Variants in MYO1B observed in about 807,000 individuals in gnomAD.
MYO1B encodes the protein unconventional myosin-Ib.
Under a neutral mutation model 159.7 loss-of-function variants are expected in MYO1B, and 72 were observed. The ratio of observed to expected loss-of-function variants is 0.45; its 90% CI spans 0.37 to 0.55. MYO1B has a LOEUF of 0.55. Among genes scored for constraint, MYO1B ranks in the 20% least tolerant of loss-of-function variants. The probability of loss-of-function intolerance (pLI) is 0.00; values close to 1 mark genes in which losing one functional copy is unlikely to be tolerated. For synonymous variants in MYO1B, 468 were observed against 473.8 expected (o/e 0.99, Z 0.16); for missense variants, 1,062 against 1,364.8 (o/e 0.78, Z 3.50).
chr2:191,316,205 TG>T lies in MYO1B; in HGVS notation c.252-13729del, dbSNP rs142319236. On this transcript the variant is annotated intron_variant, in intron 3 of 30. Transcript: ENST00000392318. ...AGGGCTTAGAGTACACAATTTCCAC[TG>T]CCAATAAAAGATCCTTAATTTTAAA... Among the ~76,000 whole-genome samples, 762 of 152,346 alleles carry T rather than the reference TG, an allele frequency of 5.0e-3. 9 individuals carry two copies. Among genetic ancestry groups the T allele is most frequent in the African/African-American group, 0.017 (719 of 41,576 alleles).
intron 17 of MYO1B, chr2:191,387,746 G>T: frequency 2.5e-6 from 1 of 393,288 alleles, no homozygotes; most frequent in Non-Finnish European, 4.6e-6. Flanking sequence ...TTTTTTTAAT[G>T]GCAAGTTAAA....
At chr2:191,284,327 C>T (rs1371119347) in intron 2 of MYO1B, among the ~76,000 whole-genome samples, 1 of 152,096 alleles carries the variant, frequency 6.6e-6, no homozygotes, top group East Asian at 1.9e-4. Context: ...TTTTGTTGTT[C>T]AAATTCTGCT....
At position 191,396,612 on chromosome 2, in the gene MYO1B, G is replaced by A. The variant is rs1037236157; in HGVS notation, c.2295+115G>A. The A allele has an allele frequency of 1.8e-5, 17 of 965,446 alleles. No homozygotes were observed. The African/African-American group carries it at 2.6e-4, about 15-fold the overall frequency. The allele number at this position is 965,446 out of a possible 1,614,324, so 59.8% of individuals were successfully genotyped here. ...GGCTCCTCTGTCTCCTGCCTCGCCTGTAAACAGTCAGATGGAAAGAATAAA... is the reference window on the plus strand; with the variant it reads ...GGCTCCTCTGTCTCCTGCCTCGCCTATAAACAGTCAGATGGAAAGAATAAA... On this transcript the variant is annotated intron_variant, in intron 21 of 30. Coordinates refer to ENST00000392318, the MANE Select transcript of MYO1B (RefSeq NM_001130158.3).
Position 191,336,318 on chromosome 2 carries a change from GACAGAGATGCCACTGACTT to G in MYO1B, c.347-5140_347-5122del, listed in dbSNP as rs565498022. Among the ~76,000 whole-genome samples the G allele has an allele frequency of 1.9e-3, 295 of 152,296 alleles. 1 individual carries two copies. Among genetic ancestry groups the G allele is most frequent in the African/African-American group, 6.4e-3 (268 of 41,556 alleles). On this transcript the variant is annotated intron_variant, in intron 4 of 30. Transcript: ENST00000392318. ...TGCAGTGGTTCTCCAACTGGACAGT[GACAGAGATGCCACTGACTT>G]ACTGTAGCCTAAACATTGGCGAGCA...
In MYO1B at chr2:191,330,375, G is replaced by T. The variant is rs115984869; in HGVS notation, c.346+346G>T. 7.5e-3 allele frequency among the ~76,000 whole-genome samples: 1,137 copies of T among 152,228 alleles called. 15 individuals are homozygous for T. The highest frequency in any genetic ancestry group is 0.026 in the African/African-American group (1,086 of 41,522). ...TCCCCAAGAATGCCAATTTATTTAG[G>T]TTTTAAGAGGGTACAAACACACTCT... is the stretch of plus-strand genomic sequence containing the variant. On this transcript the variant is annotated intron_variant, in intron 4 of 30. Transcript: ENST00000392318.
intron 13 of MYO1B, among the ~76,000 whole-genome samples, chr2:191,371,708 C>T (rs146931568): frequency 1.3e-5 from 2 of 152,256 alleles, no homozygotes; most frequent in Non-Finnish European, 2.9e-5. Context: ...TCCCCAGTAT[C>T]TGGAAGTAAG....
In MYO1B at chr2:191,411,103, A is replaced by C; in HGVS notation, c.2804A>C (p.Lys935Thr). The change falls in exon 27 of 31, where the codon AAA becomes ACA. Residue 935 changes from lysine to threonine, a missense_variant. Transcript: ENST00000392318. ...AGGGACCAATTCACAGACCAGCAGA[A>C]ACTTATTTATGAAGAGAAACTAGAA... ...KYRDQFTDQQ[K>T]LIYEEKLEAS... 1 of 1,612,368 alleles carries C rather than the reference A, an allele frequency of 6.2e-7. No individual in the cohort carries two copies. The highest frequency in any genetic ancestry group is 8.5e-7 in the Non-Finnish European group (1 of 1,179,390).
chr2:191,337,235 C>T (rs186234412), intron 4 of MYO1B, among the ~76,000 whole-genome samples: 15 of 152,234 alleles, frequency 9.9e-5, no homozygotes, highest in Admixed American at 2.0e-4. Context: ...ATTCACCTTC[C>T]GCTACTTCAC....
At chr2:191,316,264 T>C (rs1690342821) in intron 3 of MYO1B, among the ~76,000 whole-genome samples, 1 of 152,226 alleles carries the variant, frequency 6.6e-6, no homozygotes, top group Non-Finnish European at 1.5e-5. Context: ...CTTCATTTTA[T>C]GAAAATTTAG....
intron 20 of MYO1B, among the ~76,000 whole-genome samples, chr2:191,393,477 T>G (rs1695886883): frequency 6.6e-6 from 1 of 152,220 alleles, no homozygotes; most frequent in African/African-American, 2.4e-5. Flanking sequence ...GAGCTCAAGT[T>G]CAGTGTGCCA....
At chr2:191,407,708 G>C (rs935592825) in intron 24 of MYO1B, 1 of 152,892 alleles carries the variant, frequency 6.5e-6, no homozygotes, top group Non-Finnish European at 1.5e-5. Context: ...TTCTATGCAA[G>C]GCTTTTGGAA....
intron 3 of MYO1B, among the ~76,000 whole-genome samples, chr2:191,305,118 A>T (rs1201569224): frequency 6.6e-6 from 1 of 152,192 alleles, no homozygotes; most frequent in African/African-American, 2.4e-5. Flanking sequence ...TCCCTGACAG[A>T]GAGAGCCACA....
rs1339294162 is a variant in MYO1B at position 191,276,921 on chromosome 2, C to T, written c.26C>T (p.Ser9Leu). 3.7e-6 allele frequency: 6 copies of T among 1,610,954 alleles called. No homozygotes were observed. The Admixed American group carries it at 1.0e-4, about 27-fold the overall frequency. Residue 9 changes from serine to leucine, a missense_variant, in exon 2 of 31, where the codon TCA becomes TTA. By Grantham distance (145) the Ser-to-Leu change is moderately radical (BLOSUM62 -2). Transcript: ENST00000392318. ...ATGGCCAAAATGGAGGTGAAAACCT[C>T]ACTTCTGGACAATATGATTGGAGTT... MAKMEVKT[S>L]LLDNMIGVGD...
intron 4 of MYO1B, among the ~76,000 whole-genome samples, chr2:191,334,132 G>A (rs1458327809): frequency 6.8e-6 from 1 of 147,288 alleles, no homozygotes; most frequent in Admixed American, 6.7e-5. Flanking sequence ...TTTTTTTTTA[G>A]GATATTCTAA....
intron 18 of MYO1B, among the ~76,000 whole-genome samples, chr2:191,390,863 T>C (rs1695703996): frequency 6.6e-6 from 1 of 152,258 alleles, no homozygotes; most frequent in Non-Finnish European, 1.5e-5. Flanking sequence ...AATCAGTGGA[T>C]GGGTGAAGGT....
At chr2:191,294,000 G>C (rs1443324004) in intron 2 of MYO1B, among the ~76,000 whole-genome samples, 3 of 152,110 alleles carry the variant, frequency 2.0e-5, no homozygotes, top group Non-Finnish European at 4.4e-5. Context: ...CCTCCAATTA[G>C]TGATGAACAT....
intron 9 of MYO1B, 138 bp from the exon 10 acceptor site, chr2:191,363,590 A>G: frequency 8.5e-7 from 1 of 1,179,150 alleles, no homozygotes; most frequent in Non-Finnish European, 1.1e-6. Flanking sequence ...CTCGAATCAC[A>G]GTTGGAAACC....
chr2:191,420,277 G>T (rs566489360), intron 30 of MYO1B, among the ~76,000 whole-genome samples: 1 of 152,158 alleles, frequency 6.6e-6, no homozygotes, highest in African/African-American at 2.4e-5. Flanking sequence ...AGTAAGCAAA[G>T]GTTAATTTAT....
At chr2:191,400,500 T>C (rs755712089) in intron 22 of MYO1B, 32 bp downstream of exon 22, 55 of 1,610,080 alleles carry the variant, frequency 3.4e-5, no homozygotes, top group Non-Finnish European at 4.5e-5. Context: ...AGGCGGTGGG[T>C]CAGCAGTAAC....
Sources: allele counts gnomAD v4.1 joint callset (sites outside exome capture counted in the v4.1 genomes callset), GRCh38; gene constraint gnomAD v4.1.1; transcripts MANE v1.5; gene names NCBI Gene and HGNC (gene_info 2026-07-23, HGNC 2026-07-21).